PTPRD: variants seen among roughly 807,000 people sequenced by gnomAD.
PTPRD encodes protein tyrosine phosphatase receptor type D, also known as receptor-type tyrosine-protein phosphatase delta.
In PTPRD, 34 loss-of-function variants were observed where a neutral mutation model predicts 214.5. The ratio of observed to expected loss-of-function variants is 0.16; its 90% CI spans 0.12 to 0.21. PTPRD has a LOEUF of 0.21. PTPRD is among the 10% of genes least tolerant of loss of function. The pLI, the probability that PTPRD is intolerant of heterozygous loss-of-function variation, is 1.00. For synonymous variants in PTPRD, 1,128 were observed against 845.7 expected (o/e 1.33, Z -5.79); for missense variants, 2,545 against 2,398.7 (o/e 1.06, Z -1.27).
intron 11 of PTPRD, among the ~76,000 whole-genome samples, chr9:8,948,115 G>GT (rs1003874208): frequency 2.0e-5 from 3 of 150,210 alleles, no homozygotes; most frequent in African/African-American, 7.4e-5. Context: ...TGCCTCCTGG[G>GT]TTCGAGCGAT....
At chr9:10,098,459 G>A (rs555575823) in intron 3 of PTPRD, among the ~76,000 whole-genome samples, 16 of 151,384 alleles carry the variant, frequency 1.1e-4, no homozygotes, top group Non-Finnish European at 1.8e-4. Context: ...AAACCTGCAC[G>A]TTGTGCACAT....
chr9:9,446,047 C>A (rs1411320237), intron 8 of PTPRD, among the ~76,000 whole-genome samples: 1 of 152,068 alleles, frequency 6.6e-6, no homozygotes, highest in Non-Finnish European at 1.5e-5. Context: ...TTTTTTAATT[C>A]ATTTGTTTTG....
intron 10 of PTPRD, among the ~76,000 whole-genome samples, chr9:9,062,734 G>A (rs2099709842): frequency 6.6e-6 from 1 of 152,230 alleles, no homozygotes; most frequent in Non-Finnish European, 1.5e-5. Flanking sequence ...TCATGTTACT[G>A]TGTAAATATC....
intron 36 of PTPRD, among the ~76,000 whole-genome samples, chr9:8,393,957 G>C (rs2090370535): frequency 6.6e-6 from 1 of 152,090 alleles, no homozygotes; most frequent in Non-Finnish European, 1.5e-5. Context: ...AGCCTGTAAA[G>C]CCGACAGAGA....
At chr9:10,233,616 G>T (rs565665370) in intron 3 of PTPRD, among the ~76,000 whole-genome samples, 1 of 151,696 alleles carries the variant, frequency 6.6e-6, no homozygotes, top group Non-Finnish European at 1.5e-5. Context: ...TATTTTACTT[G>T]CCAATTGCAA....
intron 12 of PTPRD, among the ~76,000 whole-genome samples, chr9:8,715,414 G>A (rs536876064): frequency 5.9e-5 from 9 of 152,264 alleles, no homozygotes; most frequent in African/African-American, 2.2e-4. Context: ...CATACCACCA[G>A]CATCCAGCGA....
chr9:8,558,445 C>T (rs757975696), intron 14 of PTPRD, among the ~76,000 whole-genome samples: 3 of 152,134 alleles, frequency 2.0e-5, no homozygotes, highest in Non-Finnish European at 4.4e-5. Context: ...CAGAGCCATG[C>T]CACGTGCCAC....
intron 8 of PTPRD, among the ~76,000 whole-genome samples, chr9:9,419,638 A>C (rs1286907603): frequency 1.3e-5 from 2 of 151,734 alleles, no homozygotes; most frequent in African/African-American, 4.8e-5. Context: ...TGATATTATA[A>C]GAAATATAAA....
At chr9:9,218,972 A>G (rs966697630) in intron 9 of PTPRD, among the ~76,000 whole-genome samples, 1 of 152,112 alleles carries the variant, frequency 6.6e-6, no homozygotes, top group Non-Finnish European at 1.5e-5. Context: ...GTAGCAAAAT[A>G]AAAAGCATAA....
intron 4 of PTPRD, among the ~76,000 whole-genome samples, chr9:9,950,915 A>T: frequency 6.6e-6 from 1 of 152,122 alleles, no homozygotes; most frequent in Non-Finnish European, 1.5e-5. Flanking sequence ...AATTTCTGGG[A>T]AAACTAGGTT....
chr9:9,378,166 C>T (rs1339285948), intron 9 of PTPRD, among the ~76,000 whole-genome samples: 1 of 151,904 alleles, frequency 6.6e-6, no homozygotes, highest in Admixed American at 6.6e-5. Flanking sequence ...GTTTCACCAC[C>T]CCAAAATCCT....
chr9:10,210,292 G>A (rs2099509441), intron 3 of PTPRD, among the ~76,000 whole-genome samples: 2 of 152,152 alleles, frequency 1.3e-5, no homozygotes, highest in South Asian at 4.1e-4. Context: ...GCCATACAGA[G>A]GAGAGAAAAA....
chr9:9,165,093 C>A (rs898591924), intron 10 of PTPRD, among the ~76,000 whole-genome samples: 4 of 149,454 alleles, frequency 2.7e-5, no homozygotes, highest in East Asian at 2.0e-4. Flanking sequence ...TTACTGGTTT[C>A]TTTTTAAAAA....
intron 7 of PTPRD, among the ~76,000 whole-genome samples, chr9:9,665,394 T>C (rs1564411026): frequency 2.0e-5 from 3 of 151,844 alleles, no homozygotes; most frequent in African/African-American, 4.8e-5. Flanking sequence ...ACAAAATAGA[T>C]GTTTTTTATT....
At chr9:8,635,723 G>A (rs928650849) in intron 13 of PTPRD, among the ~76,000 whole-genome samples, 2 of 152,056 alleles carry the variant, frequency 1.3e-5, no homozygotes, top group Non-Finnish European at 2.9e-5. Context: ...AGAAACTCAG[G>A]TAAAAGGGAG....
intron 4 of PTPRD, among the ~76,000 whole-genome samples, chr9:9,998,114 A>AT (rs1491122547): frequency 5.0e-4 from 33 of 65,856 alleles, no homozygotes; most frequent in African/African-American, 1.3e-3. Flanking sequence ...TTAAAGTATA[A>AT]TAAAAAAAAA....
intron 21 of PTPRD, among the ~76,000 whole-genome samples, chr9:8,508,989 T>A (rs975581836): frequency 2.6e-5 from 4 of 151,972 alleles, no homozygotes; most frequent in Non-Finnish European, 5.9e-5. Context: ...ATATTTCTAG[T>A]TGCCTTCATC....
At position 10,373,086 on chromosome 9, in the gene PTPRD, G is replaced by A. The variant is rs551844938; in HGVS notation, c.-599-32069C>T. On this transcript the variant is annotated intron_variant, in intron 2 of 45. Transcript: ENST00000381196. ...GACCTCAAGTGATCCGCCAGCCTTG[G>A]CCTCCCAAAGTGCTAGGATTACAGC... Among the ~76,000 whole-genome samples, 192 of 150,600 alleles carry A rather than the reference G, an allele frequency of 1.3e-3. 1 individual carries two copies. The highest frequency in any genetic ancestry group is 4.2e-3 in the African/African-American group (172 of 41,058).
chr9:10,165,659 A>C (rs1426680775), intron 3 of PTPRD, among the ~76,000 whole-genome samples: 1 of 151,746 alleles, frequency 6.6e-6, no homozygotes, highest in Non-Finnish European at 1.5e-5. Context: ...CATTGCAATA[A>C]TAAGACCTAG....
Sources: allele counts gnomAD v4.1 joint callset (sites outside exome capture counted in the v4.1 genomes callset), GRCh38; gene constraint gnomAD v4.1.1; transcripts MANE v1.5; gene names NCBI Gene and HGNC (gene_info 2026-07-23, HGNC 2026-07-21).